The following HACD1 variants were observed in gnomAD, a reference collection of about 807,000 sequenced individuals.
HACD1 encodes the protein 3-hydroxyacyl-CoA dehydratase 1.
A neutral mutation model predicts 32.0 loss-of-function variants in HACD1; 41 were observed. The observed-to-expected ratio is 1.28, with a 90% CI of 1.00 to 1.66. HACD1 has a LOEUF of 1.66. Among genes scored for constraint, HACD1 ranks in the 40% most tolerant of loss-of-function variants. The pLI is 0.00. For missense variants in HACD1, 396 were observed against 380.1 expected (o/e 1.04, Z -0.35); for synonymous variants, 142 against 139.0 (o/e 1.02, Z -0.15).
chr10:17,594,142 T>TA, intron 6 of HACD1, 63 bp downstream of exon 6: 2 of 1,241,830 alleles, frequency 1.6e-6, no homozygotes, highest in Non-Finnish European at 2.1e-6. Context: ...TGCATATTAT[T>TA]ATATCCTTTC....
chr10:17,614,964 A>C (rs148635355), intron 1 of HACD1, among the ~76,000 whole-genome samples: 1 of 151,638 alleles, frequency 6.6e-6, no homozygotes, highest in Non-Finnish European at 1.5e-5. Flanking sequence ...GTGTTAGCCA[A>C]GATGTTCTCG....
rs781900823 is a variant in HACD1, at chr10:17,590,336, G to A, written c.*28C>T. On this transcript the variant is annotated 3_prime_UTR_variant, in exon 7 of 7. Coordinates refer to ENST00000361271, the MANE Select transcript of HACD1 (RefSeq NM_014241.4). ...GACTCAGGTAATCTTGGTTATTCTG[G>A]AAAAAGCACCTTGTTTGCAGAGATC... 2.0e-6 allele frequency: 3 copies of A among 1,492,420 alleles called. No homozygotes were observed. Among genetic ancestry groups the A allele is most frequent in the South Asian group, 2.5e-5 (2 of 80,178 alleles). The allele number at this position is 1,492,420 out of a possible 1,614,324, so 92.4% of individuals were successfully genotyped here. A position where few individuals can be genotyped will look rare whatever the true frequency, so the allele number is the denominator to read the frequency against.
At chr10:17,594,138 T>C (rs1042824499) in intron 6 of HACD1, 67 bp downstream of exon 6, 6 of 1,213,042 alleles carry the variant, frequency 4.9e-6, no homozygotes, top group Non-Finnish European at 6.5e-6. Flanking sequence ...CCCTTGCATA[T>C]TATTATATCC....
chr10:17,606,958 A>G (rs1323556597), intron 1 of HACD1, among the ~76,000 whole-genome samples: 3 of 152,194 alleles, frequency 2.0e-5, no homozygotes, highest in Non-Finnish European at 4.4e-5. Context: ...AGGGTCACAC[A>G]GCCACCACTA....
At chr10:17,591,334 T>C (rs1833925541) in intron 6 of HACD1, among the ~76,000 whole-genome samples, 1 of 152,130 alleles carries the variant, frequency 6.6e-6, no homozygotes, top group Non-Finnish European at 1.5e-5. Flanking sequence ...AGGGCCCAGA[T>C]GCATGCTCAT....
In HACD1 at chr10:17,599,225, TG is replaced by T. The variant is rs111302791; in HGVS notation, c.605+64del. 2.5e-5 allele frequency: 40 copies of T among 1,577,744 alleles called. 1 individual carries two copies. In the African/African-American group the frequency reaches 3.4e-4, roughly 13 times the overall value. ...GGCTGAAACACGAATTTTAATTCTCTGGCGTTAGCACACAAAATAAGCATGC... is the reference window on the plus strand; with the variant it reads ...GGCTGAAACACGAATTTTAATTCTCTGCGTTAGCACACAAAATAAGCATGC... On this transcript the variant is annotated intron_variant, in intron 5 of 6. Coordinates refer to ENST00000361271, the MANE Select transcript of HACD1 (RefSeq NM_014241.4).
chr10:17,605,637 A>G (rs1388351464), intron 1 of HACD1, among the ~76,000 whole-genome samples: 7 of 151,908 alleles, frequency 4.6e-5, no homozygotes, highest in Non-Finnish European at 1.0e-4. Flanking sequence ...CCTGCTTTCA[A>G]AAAGGTTGTT....
In HACD1 at chr10:17,603,321, C is replaced by G. The variant is rs1246236008; in HGVS notation, c.483+239G>C. 3.5e-5 allele frequency: 13 copies of G among 375,974 alleles called. No individual in the cohort carries two copies. In the East Asian group the frequency reaches 5.4e-4, roughly 16 times the overall value. The allele number at this position is 375,974 out of a possible 1,614,324, so 23.3% of individuals were successfully genotyped here. ...AGAACCTGAATACTGATTTCAAAAA[C>G]TGGAAAATATCAAAGGAGAATATAT... On this transcript the variant is annotated intron_variant, in intron 4 of 6. Transcript: ENST00000361271.
Position 17,603,614 on chromosome 10 carries a change from G to A in HACD1, c.429C>T (p.Val143=), listed in dbSNP as rs1834101534. 1 of 1,613,574 alleles carries A rather than the reference G, an allele frequency of 6.2e-7. No individual in the cohort carries two copies. Residue 143 remains valine, a synonymous_variant, in exon 4 of 7, where the codon GTC becomes GTT. Transcript: ENST00000361271. ...IVPTSVIVTG[V]QVSSRIFMVW... is the part of the protein sequence containing the mutation. ...CCATAAAGATTCTTGAACTCACTTG[G>A]ACCCCAGTCACAATCACAGAAGTAG...
chr10:17,591,734 C>G (rs1277633198), intron 6 of HACD1, among the ~76,000 whole-genome samples: 3 of 98,976 alleles, frequency 3.0e-5, no homozygotes, highest in Non-Finnish European at 7.1e-5. Context: ...TGAACCTTAT[C>G]ACAAAACAAG....
intron 1 of HACD1, among the ~76,000 whole-genome samples, chr10:17,612,198 G>A (rs563123226): frequency 4.5e-4 from 67 of 149,708 alleles, no homozygotes; most frequent in African/African-American, 1.4e-3. Flanking sequence ...ACTAAGCCAC[G>A]AATTGAACAG....
At chr10:17,609,566 CA>C (rs1232010962) in intron 1 of HACD1, among the ~76,000 whole-genome samples, 1 of 152,174 alleles carries the variant, frequency 6.6e-6, no homozygotes, top group East Asian at 1.9e-4. Context: ...ATCAAAATCC[CA>C]ATGAGATAAC....
At chr10:17,610,033 T>C (rs1173434617) in intron 1 of HACD1, among the ~76,000 whole-genome samples, 1 of 151,238 alleles carries the variant, frequency 6.6e-6, no homozygotes, top group Non-Finnish European at 1.5e-5. Flanking sequence ...AACTATCCTA[T>C]GACCCAGCCC....
intron 1 of HACD1, among the ~76,000 whole-genome samples, chr10:17,614,019 G>C (rs1427325191): frequency 6.6e-6 from 1 of 152,196 alleles, no homozygotes; most frequent in Non-Finnish European, 1.5e-5. Context: ...AGGTGGCAGG[G>C]AGTCACTGAA....
chr10:17,604,281 C>T (rs1256886867), intron 1 of HACD1, among the ~76,000 whole-genome samples: 3 of 151,932 alleles, frequency 2.0e-5, no homozygotes, highest in Non-Finnish European at 4.4e-5. Context: ...GTCAGGAGAT[C>T]GAGACCATCC....
chr10:17,612,642 C>T (rs868984286), intron 1 of HACD1, among the ~76,000 whole-genome samples: 10 of 152,020 alleles, frequency 6.6e-5, no homozygotes, highest in South Asian at 2.1e-4. Flanking sequence ...AAGAGGGGGC[C>T]GGGCGCGGTG....
intron 6 of HACD1, among the ~76,000 whole-genome samples, chr10:17,591,351 C>G (rs7081183): frequency 0.21 from 32,468 of 152,058 alleles, 4,055 homozygotes; most frequent in East Asian, 0.47. Context: ...TCATTGCCCT[C>G]TGGGTAGCAA....
At chr10:17,613,169 C>T (rs530175080) in intron 1 of HACD1, among the ~76,000 whole-genome samples, 5 of 149,424 alleles carry the variant, frequency 3.3e-5, no homozygotes, top group Non-Finnish European at 5.9e-5. Flanking sequence ...GATGGGGTCT[C>T]GCTTTGCTGC....
At chr10:17,592,270 C>G (rs1833939058) in intron 6 of HACD1, among the ~76,000 whole-genome samples, 1 of 152,016 alleles carries the variant, frequency 6.6e-6, no homozygotes, top group South Asian at 2.1e-4. Context: ...GTGTGAGCCA[C>G]CACACCAGGC....
Sources: allele counts gnomAD v4.1 joint callset (sites outside exome capture counted in the v4.1 genomes callset), GRCh38; gene constraint gnomAD v4.1.1; transcripts MANE v1.5; gene names NCBI Gene and HGNC (gene_info 2026-07-23, HGNC 2026-07-21).